Variants in PLCB1 observed in about 807,000 individuals in gnomAD.
PLCB1 encodes the protein phospholipase C beta 1.
A neutral mutation model predicts 161.8 loss-of-function variants in PLCB1; 46 were observed. The observed-to-expected ratio is 0.28, with a 90% CI of 0.22 to 0.36. The LOEUF is 0.36. Ranked by LOEUF, PLCB1 falls within the 10% of genes least tolerant of loss-of-function variation. The pLI is 1.00. For synonymous variants in PLCB1, 517 were observed against 503.7 expected (o/e 1.03, Z -0.35); for missense variants, 1,016 against 1,472.5 (o/e 0.69, Z 5.07).
At chr20:8,133,352 G>A (rs2051312535) in intron 1 of PLCB1, among the ~76,000 whole-genome samples, 1 of 152,124 alleles carries the variant, frequency 6.6e-6, no homozygotes, top group Admixed American at 6.5e-5. Context: ...ACACATCTGG[G>A]GAGGGCGTGA....
At chr20:8,319,080 A>G (rs1032913460) in intron 2 of PLCB1, among the ~76,000 whole-genome samples, 1 of 152,164 alleles carries the variant, frequency 6.6e-6, no homozygotes, top group African/African-American at 2.4e-5. Flanking sequence ...ATAGGCACCC[A>G]TACACATATG....
chr20:8,808,532 G>A (rs1984656435), intron 31 of PLCB1, among the ~76,000 whole-genome samples: 1 of 152,162 alleles, frequency 6.6e-6, no homozygotes, highest in Non-Finnish European at 1.5e-5. Context: ...TGAATTTGGG[G>A]TAGACACAAT....
intron 3 of PLCB1, among the ~76,000 whole-genome samples, chr20:8,615,470 G>A (rs1568530346): frequency 6.6e-6 from 1 of 152,082 alleles, no homozygotes; most frequent in Non-Finnish European, 1.5e-5. Context: ...TTATTTTCAA[G>A]TATCCACTTT....
intron 3 of PLCB1, among the ~76,000 whole-genome samples, chr20:8,378,265 A>G (rs528117034): frequency 1.4e-4 from 21 of 152,328 alleles, no homozygotes; most frequent in Middle Eastern, 3.4e-3. Context: ...TAAAAGGACA[A>G]ATATAGTATG....
chr20:8,188,319 A>G (rs1470307000), intron 2 of PLCB1, among the ~76,000 whole-genome samples: 3 of 152,144 alleles, frequency 2.0e-5, no homozygotes, highest in East Asian at 1.9e-4. Flanking sequence ...CCAACATCAA[A>G]TGGTCTAGTG....
intron 27 of PLCB1, among the ~76,000 whole-genome samples, chr20:8,785,529 G>T (rs1302465678): frequency 6.6e-6 from 1 of 152,122 alleles, no homozygotes; most frequent in Admixed American, 6.6e-5. Flanking sequence ...TGTGTTCTGG[G>T]ACCACAGGAG....
intron 2 of PLCB1, among the ~76,000 whole-genome samples, chr20:8,182,240 C>T (rs529959096): frequency 6.6e-6 from 1 of 152,242 alleles, no homozygotes; most frequent in South Asian, 2.1e-4. Flanking sequence ...TCTAATATTC[C>T]CTTTCCTGTG....
intron 2 of PLCB1, among the ~76,000 whole-genome samples, chr20:8,188,235 A>G (rs989113380): frequency 2.6e-5 from 4 of 152,136 alleles, no homozygotes; most frequent in East Asian, 1.9e-4. Context: ...CCAATGGCAC[A>G]AGTACATTTG....
chr20:8,377,553 GTGA>G (rs1293029671), intron 3 of PLCB1, among the ~76,000 whole-genome samples: 12 of 152,216 alleles, frequency 7.9e-5, no homozygotes, highest in Non-Finnish European at 1.5e-4. Context: ...ATATCCTGGG[GTGA>G]TGATGATAAC....
rs112620753 is a variant in PLCB1 at position 8,763,963 on chromosome 20, G to A, written c.2711-1176G>A. On this transcript the variant is annotated intron_variant, in intron 25 of 31. Transcript: ENST00000338037. Reference sequence around the variant, plus strand: ...GCAGATCACTTGAGGCTGGGAGTTTGAGACCAGGCTGGCCAACATGGCGAA... The same window carrying A: ...GCAGATCACTTGAGGCTGGGAGTTTAAGACCAGGCTGGCCAACATGGCGAA... 1.6e-3 allele frequency among the ~76,000 whole-genome samples: 248 copies of A among 152,030 alleles called. 1 individual carries two copies. The highest frequency in any genetic ancestry group is 1.8e-3 in the Non-Finnish European group (125 of 67,960).
chr20:8,306,663 AATT>A (rs1324237705), intron 2 of PLCB1, among the ~76,000 whole-genome samples: 10 of 152,190 alleles, frequency 6.6e-5, no homozygotes, highest in Non-Finnish European at 1.5e-5. Flanking sequence ...ATTATATTAA[AATT>A]ATTGTTGTTT....
At chr20:8,844,237 G>A (rs1466219931) in intron 31 of PLCB1, among the ~76,000 whole-genome samples, 1 of 152,178 alleles carries the variant, frequency 6.6e-6, no homozygotes, top group African/African-American at 2.4e-5. Context: ...TTTGCCGTTG[G>A]CACAATTGCT....
At chr20:8,631,826 T>G (rs1373282910) in intron 4 of PLCB1, among the ~76,000 whole-genome samples, 1 of 152,138 alleles carries the variant, frequency 6.6e-6, no homozygotes, top group Non-Finnish European at 1.5e-5. Context: ...AAGAAAATCT[T>G]TTGGATGTCT....
intron 2 of PLCB1, among the ~76,000 whole-genome samples, chr20:8,258,777 G>A (rs528242196): frequency 2.6e-5 from 4 of 152,170 alleles, no homozygotes; most frequent in African/African-American, 7.2e-5. Context: ...ACATTGTTAA[G>A]CCATGTGGGT....
intron 3 of PLCB1, among the ~76,000 whole-genome samples, chr20:8,445,278 TC>T (rs1427453629): frequency 6.6e-6 from 1 of 152,242 alleles, no homozygotes; most frequent in African/African-American, 2.4e-5. Flanking sequence ...TAGCAGGTTT[TC>T]CCAGCACCGT....
intron 3 of PLCB1, among the ~76,000 whole-genome samples, chr20:8,571,174 T>C (rs1600160923): frequency 6.6e-6 from 1 of 152,194 alleles, no homozygotes; most frequent in Non-Finnish European, 1.5e-5. Context: ...TATTTGTGTT[T>C]TTTAGAAATC....
At chr20:8,815,494 G>A (rs533175332) in intron 31 of PLCB1, among the ~76,000 whole-genome samples, 2 of 152,306 alleles carry the variant, frequency 1.3e-5, no homozygotes, top group South Asian at 4.1e-4. Flanking sequence ...AACCTAAGGT[G>A]TACAATTTCA....
At chr20:8,271,710 T>C (rs1982293374) in intron 2 of PLCB1, among the ~76,000 whole-genome samples, 1 of 152,104 alleles carries the variant, frequency 6.6e-6, no homozygotes, top group South Asian at 2.1e-4. Flanking sequence ...TTTAAAAGTA[T>C]GTAAAATTAA....
At chr20:8,135,146 C>T (rs765306050) in intron 1 of PLCB1, among the ~76,000 whole-genome samples, 7 of 152,132 alleles carry the variant, frequency 4.6e-5, no homozygotes, top group African/African-American at 7.2e-5. Context: ...AGAACCAGAT[C>T]TTGAATCAAA....
Sources: gnomAD v4.1 joint callset for allele counts (sites outside exome capture counted in the v4.1 genomes callset) on GRCh38, gnomAD v4.1.1 for gene constraint, MANE v1.5 for transcripts, NCBI Gene and HGNC (gene_info 2026-07-23, HGNC 2026-07-21) for gene names.